The following PTPRD variants were observed in gnomAD, a reference collection of about 807,000 sequenced individuals.
The protein encoded by PTPRD is protein tyrosine phosphatase receptor type D.
Under a neutral mutation model 214.5 loss-of-function variants are expected in PTPRD, and 34 were observed. The observed-to-expected ratio is 0.16, with a 90% CI of 0.12 to 0.21. PTPRD has a LOEUF of 0.21. PTPRD is among the 10% of genes least tolerant of loss of function. The pLI is 1.00. For missense variants in PTPRD, 2,545 were observed against 2,398.7 expected, an observed-to-expected ratio of 1.06 and a Z score of -1.27; for synonymous variants, 1,128 against 845.7, an observed-to-expected ratio of 1.33 and a Z score of -5.79.
chr9:10,400,009 T>C (rs565969773), intron 2 of PTPRD, among the ~76,000 whole-genome samples: 46 of 151,958 alleles, frequency 3.0e-4, no homozygotes, highest in African/African-American at 1.1e-3. Flanking sequence ...ATTTCAGAAA[T>C]ACTTCTCTCT....
Position 8,341,923 on chromosome 9 carries a change from T to C in PTPRD, c.4717A>G (p.Ile1573Val). ...ATATCTACAGTTTTTTCATGCTTTA[T>C]TCTTTCTAACATGGCATCTATGACG... is the stretch of plus-strand genomic sequence containing the variant. ...FIVIDAMLER[I>V]KHEKTVDIYG... Residue 1573 changes from isoleucine to valine, a missense_variant, in exon 40 of 46, where the codon ATA becomes GTA. Transcript: ENST00000381196. The C allele has an allele frequency of 6.2e-7, 1 of 1,613,226 alleles. No homozygotes were observed. Among genetic ancestry groups the C allele is most frequent in the Non-Finnish European group, 8.5e-7 (1 of 1,179,594 alleles).
At chr9:9,595,091 T>C (rs994407449) in intron 7 of PTPRD, among the ~76,000 whole-genome samples, 8 of 151,626 alleles carry the variant, frequency 5.3e-5, no homozygotes, top group Non-Finnish European at 1.0e-4. Flanking sequence ...AAATAATAGA[T>C]GTTGGCGTAG....
intron 10 of PTPRD, among the ~76,000 whole-genome samples, chr9:9,155,908 C>T (rs1036153913): frequency 1.1e-4 from 17 of 152,098 alleles, no homozygotes; most frequent in Admixed American, 9.8e-4. Context: ...TTCCCTGGAG[C>T]CTGCTTTATT....
At chr9:9,374,495 A>G (rs1270553218) in intron 9 of PTPRD, among the ~76,000 whole-genome samples, 1 of 152,196 alleles carries the variant, frequency 6.6e-6, no homozygotes, top group Non-Finnish European at 1.5e-5. Context: ...AAGTAAAAGC[A>G]TATTCCAGAA....
At chr9:9,424,151 C>T (rs1454791759) in intron 8 of PTPRD, among the ~76,000 whole-genome samples, 2 of 152,186 alleles carry the variant, frequency 1.3e-5, no homozygotes, top group Non-Finnish European at 2.9e-5. Context: ...GAAGGGACAT[C>T]CTAGCTCCAG....
intron 5 of PTPRD, among the ~76,000 whole-genome samples, chr9:9,919,705 A>G (rs1222730825): frequency 1.3e-5 from 2 of 152,124 alleles, no homozygotes; most frequent in African/African-American, 4.8e-5. Flanking sequence ...CATAAATACT[A>G]AAGAGAAAGA....
intron 12 of PTPRD, among the ~76,000 whole-genome samples, chr9:8,722,455 TTAAAA>T (rs1754029350): frequency 6.6e-6 from 1 of 152,038 alleles, no homozygotes; most frequent in African/African-American, 2.4e-5. Flanking sequence ...CCCATTGGTC[TTAAAA>T]TAAATCCAAA....
intron 39 of PTPRD, among the ~76,000 whole-genome samples, chr9:8,371,865 T>C (rs1471784415): frequency 2.6e-5 from 4 of 151,932 alleles, no homozygotes; most frequent in Non-Finnish European, 4.4e-5. Flanking sequence ...GATGAAGATA[T>C]TTGGAATGTG....
rs114186002 is a variant in PTPRD at position 8,990,247 on chromosome 9, A to G, written c.-104+28450T>C. On this transcript the variant is annotated intron_variant, in intron 11 of 45. Transcript: ENST00000381196. Reference sequence around the variant, plus strand: ...GAAAGAAGAGAGATTGCAACACACTAAAGGAGCAAGGGTCCCACTTAGAAA... The same window carrying G: ...GAAAGAAGAGAGATTGCAACACACTGAAGGAGCAAGGGTCCCACTTAGAAA... 5.1e-3 allele frequency among the ~76,000 whole-genome samples: 772 copies of G among 152,282 alleles called. 8 individuals carry two copies. Among genetic ancestry groups the G allele is most frequent in the African/African-American group, 0.017 (727 of 41,566 alleles).
At chr9:9,074,437 C>T (rs2099748076) in intron 10 of PTPRD, among the ~76,000 whole-genome samples, 1 of 152,084 alleles carries the variant, frequency 6.6e-6, no homozygotes, top group Non-Finnish European at 1.5e-5. Flanking sequence ...ATTTAGCAGT[C>T]AGGGTTGACA....
chr9:9,138,210 A>G (rs2099854055), intron 10 of PTPRD, among the ~76,000 whole-genome samples: 1 of 152,110 alleles, frequency 6.6e-6, no homozygotes, highest in African/African-American at 2.4e-5. Flanking sequence ...ATCTGACTAT[A>G]AAAAGAAATA....
At chr9:10,570,953 T>C (rs2067236197) in intron 2 of PTPRD, among the ~76,000 whole-genome samples, 1 of 151,844 alleles carries the variant, frequency 6.6e-6, no homozygotes, top group South Asian at 2.1e-4. Context: ...TTTTAGGCGA[T>C]AGAAATGAAG....
At chr9:10,027,810 T>C (rs923409167) in intron 4 of PTPRD, among the ~76,000 whole-genome samples, 2 of 152,200 alleles carry the variant, frequency 1.3e-5, no homozygotes, top group African/African-American at 2.4e-5. Flanking sequence ...TTGAACTAAA[T>C]GGTAAAATAT....
At chr9:10,424,122 G>A (rs774981066) in intron 2 of PTPRD, among the ~76,000 whole-genome samples, 1 of 152,028 alleles carries the variant, frequency 6.6e-6, no homozygotes. Flanking sequence ...TCAAAACGAA[G>A]AATTGGTGGA....
intron 2 of PTPRD, among the ~76,000 whole-genome samples, chr9:10,541,840 A>C (rs1321424753): frequency 6.6e-6 from 1 of 152,124 alleles, no homozygotes; most frequent in Non-Finnish European, 1.5e-5. Context: ...AATATATTTA[A>C]TAACAAATGA....
At chr9:9,404,451 A>G (rs1194342411) in intron 8 of PTPRD, among the ~76,000 whole-genome samples, 1 of 152,106 alleles carries the variant, frequency 6.6e-6, no homozygotes, top group Non-Finnish European at 1.5e-5. Context: ...TTAGAGAGTA[A>G]TGAGTGAAAA....
At chr9:8,505,419 G>A (rs373584599) in intron 22 of PTPRD, among the ~76,000 whole-genome samples, 44 of 151,954 alleles carry the variant, frequency 2.9e-4, no homozygotes, top group African/African-American at 9.4e-4. Flanking sequence ...TCAGGAGATC[G>A]AGACCATCCT....
intron 4 of PTPRD, among the ~76,000 whole-genome samples, chr9:9,958,740 C>G (rs1240720033): frequency 6.6e-6 from 1 of 152,134 alleles, no homozygotes; most frequent in Non-Finnish European, 1.5e-5. Context: ...CATAAGGTAT[C>G]TGGACAGATA....
intron 2 of PTPRD, among the ~76,000 whole-genome samples, chr9:10,391,733 C>A (rs1201947109): frequency 1.3e-5 from 2 of 151,748 alleles, no homozygotes; most frequent in Non-Finnish European, 2.9e-5. Context: ...GTGGTCTCTT[C>A]CAATATAAAT....
Sources: allele counts gnomAD v4.1 joint callset (sites outside exome capture counted in the v4.1 genomes callset), GRCh38; gene constraint gnomAD v4.1.1; transcripts MANE v1.5; gene names NCBI Gene and HGNC (gene_info 2026-07-23, HGNC 2026-07-21).